The following CDH8 variants were observed in gnomAD, a reference collection of about 807,000 sequenced individuals.
CDH8 encodes the protein cadherin-8.
CDH8 carries 17 observed loss-of-function variants against 68.1 expected under a neutral mutation model. That is an observed-to-expected ratio of 0.25 (90% confidence interval 0.17 to 0.37). The LOEUF (loss-of-function observed/expected upper bound fraction) is 0.37, where lower values mean the gene tolerates loss of function less well. CDH8 is among the 10% of genes least tolerant of loss of function. The probability of loss-of-function intolerance (pLI) is 1.00; values close to 1 mark genes in which losing one functional copy is unlikely to be tolerated. For missense variants in CDH8, 763 were observed against 999.3 expected (o/e 0.76, Z 3.19); for synonymous variants, 372 against 365.1 (o/e 1.02, Z -0.21).
At chr16:61,788,852 T>TA (rs993818078) in intron 8 of CDH8, among the ~76,000 whole-genome samples, 8 of 151,566 alleles carry the variant, frequency 5.3e-5, no homozygotes, top group African/African-American at 9.7e-5. Flanking sequence ...CATTAGACTC[T>TA]AAAAAAAACA....
chr16:61,938,963 T>C (rs1964669261), intron 2 of CDH8, among the ~76,000 whole-genome samples: 2 of 152,216 alleles, frequency 1.3e-5, no homozygotes, highest in Admixed American at 1.3e-4. Flanking sequence ...ATCATTATCC[T>C]ATTACGTGTA....
rs2142727995 is a variant in CDH8 at position 61,649,386 on chromosome 16, C to T, written c.*4222G>A. On this transcript the variant is annotated 3_prime_UTR_variant, in exon 12 of 12. Transcript: ENST00000577390. ...GAAAAATTAAAACTATAAATTATCC[C>T]CAGTAACTGAATTGTGTATATATGT... 1 of 151,220 alleles carries T rather than the reference C, an allele frequency of 6.6e-6. No homozygotes were observed. Among genetic ancestry groups the T allele is most frequent in the South Asian group, 2.1e-4 (1 of 4,778 alleles). The allele number at this position is 151,220 out of a possible 1,614,324, so 9.4% of individuals were successfully genotyped here.
chr16:61,788,599 T>C lies in CDH8; in HGVS notation c.1414+747A>G, dbSNP rs568139337. Among the ~76,000 whole-genome samples, 121 of 152,156 alleles carry C rather than the reference T, an allele frequency of 8.0e-4. 1 individual carries two copies. The highest frequency in any genetic ancestry group is 2.9e-3 in the East Asian group (15 of 5,170). ...AAAAGTTGATAAAGTAGATGTAAGC[T>C]CTTAAAGACAGTTTGGCACCAAATT... On this transcript the variant is annotated intron_variant, in intron 8 of 11. Transcript: ENST00000577390.
At chr16:61,712,509 A>C (rs542274423) in intron 10 of CDH8, among the ~76,000 whole-genome samples, 21 of 151,828 alleles carry the variant, frequency 1.4e-4, no homozygotes, top group Non-Finnish European at 2.8e-4. Context: ...CACGGACCAC[A>C]CTTATGCACA....
chr16:61,778,137 C>G (rs569521796), intron 8 of CDH8, among the ~76,000 whole-genome samples: 21 of 152,090 alleles, frequency 1.4e-4, no homozygotes, highest in Admixed American at 3.9e-4. Context: ...ACTTTAGGCT[C>G]TTATCATCTC....
intron 2 of CDH8, among the ~76,000 whole-genome samples, chr16:61,989,269 A>AT (rs898055860): frequency 2.0e-5 from 3 of 152,198 alleles, no homozygotes; most frequent in African/African-American, 7.2e-5. Flanking sequence ...GTACATTGTT[A>AT]TTTTTTGACA....
At chr16:61,980,105 G>A (rs1404142843) in intron 2 of CDH8, among the ~76,000 whole-genome samples, 2 of 152,112 alleles carry the variant, frequency 1.3e-5, no homozygotes, top group South Asian at 2.1e-4. Context: ...GCCCACACAG[G>A]GTTCTACAGG....
At chr16:61,948,827 C>G (rs908285602) in intron 2 of CDH8, among the ~76,000 whole-genome samples, 2 of 152,152 alleles carry the variant, frequency 1.3e-5, no homozygotes, top group Admixed American at 1.3e-4. Flanking sequence ...ATCTGTAAAA[C>G]TCTTCTTTCG....
chr16:61,949,879 T>C (rs1964862117), intron 2 of CDH8, among the ~76,000 whole-genome samples: 1 of 151,664 alleles, frequency 6.6e-6, no homozygotes, highest in Admixed American at 6.6e-5. Context: ...GTCCCAACTC[T>C]CAGGGGGCTG....
At chr16:61,889,952 A>G (rs1006159114) in intron 3 of CDH8, among the ~76,000 whole-genome samples, 1 of 152,164 alleles carries the variant, frequency 6.6e-6, no homozygotes, top group Admixed American at 6.6e-5. Flanking sequence ...TTTTCTTATG[A>G]TAAGTGCAGA....
intron 4 of CDH8, among the ~76,000 whole-genome samples, chr16:61,844,480 T>C (rs1962762383): frequency 1.3e-5 from 2 of 152,194 alleles, no homozygotes; most frequent in Admixed American, 1.3e-4. Context: ...GTTTGGCTTA[T>C]TTCCTTCAGC....
At chr16:61,804,371 G>A (rs1364866182) in intron 7 of CDH8, among the ~76,000 whole-genome samples, 1 of 152,028 alleles carries the variant, frequency 6.6e-6, no homozygotes, top group Non-Finnish European at 1.5e-5. Context: ...AAGCAGGAAA[G>A]ATCCAAAATT....
At chr16:61,943,012 A>T (rs1413748911) in intron 2 of CDH8, among the ~76,000 whole-genome samples, 2 of 152,226 alleles carry the variant, frequency 1.3e-5, no homozygotes, top group Non-Finnish European at 2.9e-5. Context: ...GTGAGCTGAG[A>T]TGCTGCCACT....
At chr16:61,849,619 T>A (rs954984582) in intron 4 of CDH8, among the ~76,000 whole-genome samples, 1 of 152,172 alleles carries the variant, frequency 6.6e-6, no homozygotes, top group African/African-American at 2.4e-5. Context: ...CCTCATCCTT[T>A]AATCAGCACT....
chr16:61,975,494 C>A (rs946134979), intron 2 of CDH8, among the ~76,000 whole-genome samples: 2 of 152,104 alleles, frequency 1.3e-5, no homozygotes. Flanking sequence ...AGCACAGGGA[C>A]TGCCATGTAG....
At chr16:61,773,665 A>T (rs1057440622) in intron 8 of CDH8, among the ~76,000 whole-genome samples, 10 of 152,074 alleles carry the variant, frequency 6.6e-5, no homozygotes, top group African/African-American at 2.4e-4. Flanking sequence ...TTCTCAAGAG[A>T]TCTACACAGT....
chr16:61,969,841 A>G (rs1361294178), intron 2 of CDH8, among the ~76,000 whole-genome samples: 1 of 152,182 alleles, frequency 6.6e-6, no homozygotes, highest in Non-Finnish European at 1.5e-5. Context: ...CAATGCTTAG[A>G]CCCAGAGATA....
chr16:61,677,209 A>G (rs1287987899), intron 10 of CDH8, among the ~76,000 whole-genome samples: 1 of 148,918 alleles, frequency 6.7e-6, no homozygotes, highest in African/African-American at 2.5e-5. Context: ...TGATCTCTTC[A>G]TCGTCTTTCC....
At chr16:61,952,153 TAGG>T (rs1964908397) in intron 2 of CDH8, among the ~76,000 whole-genome samples, 1 of 152,192 alleles carries the variant, frequency 6.6e-6, no homozygotes, top group South Asian at 2.1e-4. Flanking sequence ...TCATTATTAA[TAGG>T]AGTCAAAATA....
Sources: allele counts gnomAD v4.1 joint callset (sites outside exome capture counted in the v4.1 genomes callset), GRCh38; gene constraint gnomAD v4.1.1; transcripts MANE v1.5; gene names NCBI Gene and HGNC (gene_info 2026-07-23, HGNC 2026-07-21).